The following ATXN1 variants were observed in gnomAD, a reference collection of about 807,000 sequenced individuals.
The protein encoded by ATXN1 is ataxin 1, also known as ataxin-1.
In ATXN1, 8 loss-of-function variants were observed where a neutral mutation model predicts 56.4. That is an observed-to-expected ratio of 0.14 (90% CI 0.08 to 0.26). ATXN1 has a LOEUF of 0.26. ATXN1 is among the 10% of genes least tolerant of loss of function. The pLI is 1.00. For synonymous variants in ATXN1, 514 were observed against 494.6 expected, an observed-to-expected ratio of 1.04 and a Z score of -0.52; for missense variants, 987 against 1,106.5, an observed-to-expected ratio of 0.89 and a Z score of 1.53.
At chr6:16,505,476 T>C (rs571242336) in intron 5 of ATXN1, among the ~76,000 whole-genome samples, 1 of 152,138 alleles carries the variant, frequency 6.6e-6, no homozygotes, top group African/African-American at 2.4e-5. Flanking sequence ...TAAACGCATA[T>C]AAGCTTTATA....
chr6:16,704,117 G>C (rs924833112), intron 2 of ATXN1, among the ~76,000 whole-genome samples: 1 of 152,192 alleles, frequency 6.6e-6, no homozygotes, highest in Admixed American at 6.5e-5. Flanking sequence ...TAAGAGAGCA[G>C]GCAAAACACG....
chr6:16,468,591 C>G lies in ATXN1; in HGVS notation c.-161+17381G>C, dbSNP rs546933615. Among the ~76,000 whole-genome samples, 3 of 152,254 alleles carry G rather than the reference C, an allele frequency of 2.0e-5. No individual in the cohort carries two copies. The South Asian group carries it at 6.2e-4, about 32-fold the overall frequency. On this transcript the variant is annotated intron_variant, in intron 6 of 7. Transcript: ENST00000436367. ...GGGATGAATGAACAGTCACTGGAAC[C>G]AGTAAGCGAGTATATGCTATCCCTG...
intron 4 of ATXN1, among the ~76,000 whole-genome samples, chr6:16,555,646 G>A (rs1761996890): frequency 6.6e-6 from 1 of 152,164 alleles, no homozygotes; most frequent in Admixed American, 6.5e-5. Flanking sequence ...CCAACTGGGT[G>A]GCCACATTGT....
At chr6:16,637,383 T>C (rs976869939) in intron 3 of ATXN1, among the ~76,000 whole-genome samples, 1 of 150,968 alleles carries the variant, frequency 6.6e-6, no homozygotes, top group African/African-American at 2.4e-5. Flanking sequence ...CTTTAGGAGA[T>C]ATACCTAATG....
intron 6 of ATXN1, among the ~76,000 whole-genome samples, chr6:16,340,389 G>A (rs905998103): frequency 3.3e-5 from 5 of 152,228 alleles, no homozygotes; most frequent in Admixed American, 6.5e-5. Context: ...AGCTTCCCTG[G>A]TTGGTGATTC....
intron 6 of ATXN1, among the ~76,000 whole-genome samples, chr6:16,350,289 G>C (rs773064921): frequency 3.9e-5 from 6 of 152,182 alleles, no homozygotes; most frequent in Non-Finnish European, 7.4e-5. Flanking sequence ...GTTTTCAAAA[G>C]ATTGTTGAGA....
At chr6:16,734,281 A>C (rs1760059507) in intron 2 of ATXN1, among the ~76,000 whole-genome samples, 1 of 152,130 alleles carries the variant, frequency 6.6e-6, no homozygotes, top group Non-Finnish European at 1.5e-5. Context: ...TTGTCATCTC[A>C]CCAAGAATTC....
chr6:16,663,808 G>A (rs1758373005), intron 2 of ATXN1, among the ~76,000 whole-genome samples: 1 of 152,088 alleles, frequency 6.6e-6, no homozygotes, highest in Non-Finnish European at 1.5e-5. Flanking sequence ...GGGATTACAG[G>A]TGTGACCCAT....
intron 3 of ATXN1, among the ~76,000 whole-genome samples, chr6:16,639,391 G>A (rs1763663677): frequency 6.6e-6 from 1 of 152,146 alleles, no homozygotes; most frequent in African/African-American, 2.4e-5. Flanking sequence ...CAGGCTCACC[G>A]CAACCTCCAC....
At chr6:16,484,947 A>ATGTG (rs35749735) in intron 6 of ATXN1, among the ~76,000 whole-genome samples, 4,532 of 125,964 alleles carry the variant, frequency 0.036, 110 homozygotes, top group Non-Finnish European at 0.052. Context: ...CTAAATATAT[A>ATGTG]TGTGTGTGTG....
At chr6:16,342,855 C>A (rs532001571) in intron 6 of ATXN1, among the ~76,000 whole-genome samples, 1 of 152,296 alleles carries the variant, frequency 6.6e-6, no homozygotes, top group African/African-American at 2.4e-5. Context: ...CAGGCGTTAG[C>A]AGGAGCTGGG....
At chr6:16,740,598 C>T (rs532578224) in intron 2 of ATXN1, among the ~76,000 whole-genome samples, 25 of 152,322 alleles carry the variant, frequency 1.6e-4, no homozygotes, top group African/African-American at 5.8e-4. Context: ...AAAAGCTCAA[C>T]TTTAAAGGTG....
intron 7 of ATXN1, among the ~76,000 whole-genome samples, chr6:16,314,596 A>G (rs1482991189): frequency 1.3e-5 from 2 of 152,068 alleles, no homozygotes; most frequent in Non-Finnish European, 2.9e-5. Context: ...TGATGCTGAT[A>G]GCTTCAAAAT....
At chr6:16,598,371 T>C (rs1490197170) in intron 3 of ATXN1, among the ~76,000 whole-genome samples, 1 of 152,238 alleles carries the variant, frequency 6.6e-6, no homozygotes, top group Non-Finnish European at 1.5e-5. Flanking sequence ...CAGTATAATA[T>C]GCTACTTTGG....
At chr6:16,471,706 T>C (rs1252658686) in intron 6 of ATXN1, among the ~76,000 whole-genome samples, 8 of 151,932 alleles carry the variant, frequency 5.3e-5, no homozygotes, top group Admixed American at 5.3e-4. Flanking sequence ...TGTGTGTGTG[T>C]GTGTGAGACA....
chr6:16,676,423 C>T (rs1175201016), intron 2 of ATXN1, among the ~76,000 whole-genome samples: 12 of 152,106 alleles, frequency 7.9e-5, no homozygotes, highest in Admixed American at 7.9e-4. Context: ...CTATGAAAAC[C>T]AACTCTTTCT....
At chr6:16,514,431 T>C (rs1418354907) in intron 5 of ATXN1, among the ~76,000 whole-genome samples, 1 of 152,084 alleles carries the variant, frequency 6.6e-6, no homozygotes, top group Non-Finnish European at 1.5e-5. Flanking sequence ...GGGTGGATGG[T>C]GAACCCTCTC....
At chr6:16,348,954 A>C (rs1434258216) in intron 6 of ATXN1, among the ~76,000 whole-genome samples, 1 of 152,172 alleles carries the variant, frequency 6.6e-6, no homozygotes, top group African/African-American at 2.4e-5. Flanking sequence ...CAAGTTAATT[A>C]ATTTCTCTGA....
At chr6:16,670,338 C>A (rs1758514952) in intron 2 of ATXN1, among the ~76,000 whole-genome samples, 1 of 152,124 alleles carries the variant, frequency 6.6e-6, no homozygotes, top group Non-Finnish European at 1.5e-5. Flanking sequence ...AAAGCTGGCT[C>A]TAGAAAATAC....
Sources: gnomAD v4.1 joint callset for allele counts (sites outside exome capture counted in the v4.1 genomes callset) on GRCh38, gnomAD v4.1.1 for gene constraint, MANE v1.5 for transcripts, NCBI Gene and HGNC (gene_info 2026-07-23, HGNC 2026-07-21) for gene names.